Variants in CC2D2A observed in about 807,000 individuals in gnomAD.
CC2D2A encodes the protein coiled-coil and C2 domain containing 2A, also known as coiled-coil and C2 domain-containing protein 2A.
Under a neutral mutation model 212.9 loss-of-function variants are expected in CC2D2A, and 155 were observed. The ratio of observed to expected loss-of-function variants is 0.73; its 90% CI spans 0.64 to 0.83. The LOEUF (loss-of-function observed/expected upper bound fraction) is 0.83, where lower values mean the gene tolerates loss of function less well. Among genes scored for constraint, CC2D2A ranks in the 40% least tolerant of loss-of-function variants. The probability of loss-of-function intolerance (pLI) is 0.00; values close to 1 mark genes in which losing one functional copy is unlikely to be tolerated. For missense variants in CC2D2A, 1,856 were observed against 1,956.2 expected, an observed-to-expected ratio of 0.95 and a Z score of 0.97; for synonymous variants, 667 against 686.5, an observed-to-expected ratio of 0.97 and a Z score of 0.44.
intron 11 of CC2D2A, among the ~76,000 whole-genome samples, chr4:15,522,087 G>C (rs1462665857): frequency 2.6e-5 from 4 of 152,298 alleles, no homozygotes; most frequent in African/African-American, 9.6e-5. Context: ...TGTGGTCCCA[G>C]CTACTCAGGA....
At position 15,538,042 on chromosome 4, in the gene CC2D2A, G is replaced by C. The variant is rs746851951; in HGVS notation, c.1908G>C (p.Glu636Asp). Residue 636 changes from glutamate (E) to aspartate (D), a missense_variant, in exon 16 of 37, where the codon GAG (glutamate) becomes GAC (aspartate). Transcript: ENST00000424120. ...DRAVIEQEVR[E>D]RAAQSRRRPW... ...CAGTGATAGAGCAGGAGGTGAGGGAGAGAGCAGCCCAGAGCAGGAGGAGGC... is the reference window on the plus strand; with the variant it reads ...CAGTGATAGAGCAGGAGGTGAGGGACAGAGCAGCCCAGAGCAGGAGGAGGC... 1 of 1,608,326 alleles carries C rather than the reference G, an allele frequency of 6.2e-7. No homozygotes were observed. The highest frequency in any genetic ancestry group is 2.2e-5 in the East Asian group (1 of 44,700).
At chr4:15,489,645 A>C (rs1010945226) in intron 4 of CC2D2A, among the ~76,000 whole-genome samples, 7 of 152,130 alleles carry the variant, frequency 4.6e-5, no homozygotes, top group Admixed American at 3.9e-4. Flanking sequence ...ATTTTCTCTC[A>C]TTTTTGTCTC....
intron 30 of CC2D2A, among the ~76,000 whole-genome samples, chr4:15,584,258 T>C (rs1290694324): frequency 2.0e-5 from 3 of 152,136 alleles, no homozygotes; most frequent in Non-Finnish European, 2.9e-5. Flanking sequence ...CTTCAAAATA[T>C]ACTACTGTAG....
intron 29 of CC2D2A, among the ~76,000 whole-genome samples, chr4:15,577,593 C>T (rs986767871): frequency 5.3e-5 from 8 of 152,100 alleles, no homozygotes; most frequent in African/African-American, 1.9e-4. Flanking sequence ...AAATGCTTAC[C>T]ATGTGTATGC....
intron 1 of CC2D2A, among the ~76,000 whole-genome samples, chr4:15,471,118 A>G (rs964766419): frequency 3.9e-5 from 6 of 152,188 alleles, no homozygotes; most frequent in Admixed American, 3.9e-4. Flanking sequence ...ACCTTATGCT[A>G]AGGGAAACTG....
intron 17 of CC2D2A, among the ~76,000 whole-genome samples, chr4:15,544,627 C>T (rs1378555344): frequency 6.6e-6 from 1 of 152,180 alleles, no homozygotes; most frequent in African/African-American, 2.4e-5. Context: ...ACTACCCAGG[C>T]AGCCTGTGAA....
chr4:15,566,309 C>T (rs958273180), intron 24 of CC2D2A, among the ~76,000 whole-genome samples: 5 of 152,036 alleles, frequency 3.3e-5, no homozygotes, highest in African/African-American at 1.2e-4. Context: ...CCTTGCCTGA[C>T]ATGTGTAGCT....
At chr4:15,507,447 A>G (rs139943651) in intron 6 of CC2D2A, among the ~76,000 whole-genome samples, 345 of 152,252 alleles carry the variant, frequency 2.3e-3, no homozygotes, top group African/African-American at 8.0e-3. Flanking sequence ...CTGTACCTCC[A>G]GGTTTCATTC....
chr4:15,485,293 T>C (rs1048293807), intron 4 of CC2D2A, among the ~76,000 whole-genome samples: 5 of 152,366 alleles, frequency 3.3e-5, no homozygotes, highest in Non-Finnish European at 7.3e-5. Context: ...TCCATGTTGT[T>C]GCAAACTGCA....
At position 15,515,885 on chromosome 4, in the gene CC2D2A, C is replaced by T. The variant is rs779150444; in HGVS notation, c.898C>T (p.Leu300Phe). Residue 300 changes from leucine to phenylalanine, a missense_variant, in exon 10 of 37, where the codon CTT (leucine) becomes TTT (phenylalanine). This residue lies in a region of CC2D2A where 1,512 missense variants were observed against 1,579.3 expected (regional missense o/e 0.96). Transcript: ENST00000424120. ...CGATCTAGTCCCTACATATAAAAAG[C>T]TTCCTGAGAATGTACAGCCCAGGTT... is the stretch of plus-strand genomic sequence containing the variant. Reference protein sequence around the residue: ...SRQTVPTYKKLPENVQPRFLE... With the variant: ...SRQTVPTYKKFPENVQPRFLE... The T allele has an allele frequency of 2.8e-5, 43 of 1,552,068 alleles. No individual in the cohort carries two copies. In the South Asian group the frequency reaches 4.9e-4, roughly 18 times the overall value.
chr4:15,560,996 C>T (rs368488472), intron 23 of CC2D2A, among the ~76,000 whole-genome samples: 8 of 152,286 alleles, frequency 5.3e-5, no homozygotes, highest in African/African-American at 1.4e-4. Context: ...ACTCTCCTGT[C>T]GCATGGCAGT....
intron 14 of CC2D2A, among the ~76,000 whole-genome samples, chr4:15,536,225 G>A (rs1456235405): frequency 4.7e-5 from 7 of 148,936 alleles, no homozygotes; most frequent in Admixed American, 2.7e-4. Context: ...ACCAAACACC[G>A]CATGTTCTCA....
intron 21 of CC2D2A, among the ~76,000 whole-genome samples, chr4:15,558,051 C>A (rs1719378566): frequency 6.6e-6 from 1 of 152,160 alleles, no homozygotes; most frequent in Admixed American, 6.5e-5. Context: ...CAGAGGAGGG[C>A]AGATCGCACC....
intron 11 of CC2D2A, among the ~76,000 whole-genome samples, chr4:15,523,313 A>T (rs1429982120): frequency 6.6e-6 from 1 of 152,136 alleles, no homozygotes; most frequent in Non-Finnish European, 1.5e-5. Context: ...GCTTGGCCAT[A>T]GAGAGACTTT....
chr4:15,570,580 C>T (rs569278454), intron 28 of CC2D2A, 84 bp downstream of exon 28: 42 of 901,100 alleles, frequency 4.7e-5, no homozygotes, highest in African/African-American at 2.8e-4. Context: ...GTGGGCCAGG[C>T]GCGGTGGCTC....
intron 12 of CC2D2A, 49 bp from the exon 13 acceptor site, chr4:15,528,571 G>A (rs1232050684): frequency 3.3e-6 from 5 of 1,513,710 alleles, no homozygotes; most frequent in Non-Finnish European, 4.6e-6. Context: ...TTGCACTGCA[G>A]TAGGGAATAG....
intron 9 of CC2D2A, among the ~76,000 whole-genome samples, 159 bp from the exon 10 acceptor site, chr4:15,515,709 C>T (rs1716828571): frequency 6.6e-6 from 1 of 152,228 alleles, no homozygotes; most frequent in African/African-American, 2.4e-5. Context: ...CAAGTGAGCA[C>T]ATTCATCTTT....
chr4:15,525,442 AAC>A (rs1259879838), intron 11 of CC2D2A, among the ~76,000 whole-genome samples: 5 of 152,368 alleles, frequency 3.3e-5, no homozygotes, highest in Admixed American at 2.0e-4. Flanking sequence ...TGGGTTATAA[AAC>A]ACAGAGTGGT....
chr4:15,533,027 T>A (rs1482696922), intron 13 of CC2D2A, among the ~76,000 whole-genome samples, 166 bp from the exon 14 acceptor site: 6 of 152,124 alleles, frequency 3.9e-5, no homozygotes, highest in Admixed American at 2.0e-4. Context: ...TCAAGACAGG[T>A]TGACATCCTA....
Sources: gnomAD v4.1 joint callset for allele counts (sites outside exome capture counted in the v4.1 genomes callset) on GRCh38, gnomAD v4.1.1 for gene constraint, gnomAD v4.1.1 regional missense constraint, MANE v1.5 for transcripts, NCBI Gene and HGNC (gene_info 2026-07-23, HGNC 2026-07-21) for gene names.